Variants in ADCY2 observed in about 807,000 individuals in gnomAD.
ADCY2 encodes the protein adenylate cyclase type 2.
A neutral mutation model predicts 125.2 loss-of-function variants in ADCY2; 31 were observed. That is an observed-to-expected ratio of 0.25 (90% confidence interval 0.19 to 0.33). The LOEUF is 0.33. Ranked by LOEUF, ADCY2 falls within the 10% of genes least tolerant of loss-of-function variation. ADCY2 has a pLI of 1.00. For missense variants in ADCY2, 904 were observed against 1,418.2 expected (o/e 0.64, Z 5.82); for synonymous variants, 512 against 548.4 (o/e 0.93, Z 0.93).
intron 20 of ADCY2, chr5:7,799,716 G>C (rs975957730): frequency 9.2e-5 from 14 of 152,298 alleles, no homozygotes; most frequent in Admixed American, 8.5e-4. Context: ...CTGAACAGCA[G>C]AATAACCCAG....
At chr5:7,789,424 T>C (rs1279734753) in intron 19 of ADCY2, among the ~76,000 whole-genome samples, 1 of 152,242 alleles carries the variant, frequency 6.6e-6, no homozygotes, top group African/African-American at 2.4e-5. Flanking sequence ...CTGATTTCCC[T>C]GTTTCTGAGG....
chr5:7,586,413 C>T (rs140333045), intron 3 of ADCY2, among the ~76,000 whole-genome samples: 2,014 of 152,280 alleles, frequency 0.013, 27 homozygotes, highest in Non-Finnish European at 0.021. Context: ...GCTTCTCCCA[C>T]CCTCATCCAT....
At chr5:7,510,045 A>G (rs953415741) in intron 2 of ADCY2, among the ~76,000 whole-genome samples, 2 of 152,228 alleles carry the variant, frequency 1.3e-5, no homozygotes, top group African/African-American at 2.4e-5. Flanking sequence ...GAATGGGGTA[A>G]TGATGACACA....
Position 7,743,634 on chromosome 5 carries a change from CCACCCTGACTTGCTGCTT to C in ADCY2, c.1872-33_1872-16del. 6.3e-7 allele frequency: 1 copy of C among 1,596,368 alleles called. No homozygotes were observed. The highest frequency in any genetic ancestry group is 8.6e-7 in the Non-Finnish European group (1 of 1,164,650). On this transcript the variant is annotated splice_polypyrimidine_tract_variant and intron_variant, in intron 14 of 24. Coordinates refer to ENST00000338316, the MANE Select transcript of ADCY2 (RefSeq NM_020546.3). The stretch of plus-strand genomic sequence containing the variant: ...CTTTCCAGAATGAGAGAAACGATCT[CCACCCTGACTTGCTGCTT>C]TTTGTTTCCCGGTAGAACGTCCGTC...
chr5:7,446,628 C>T (rs1741266495), intron 2 of ADCY2, among the ~76,000 whole-genome samples: 1 of 151,974 alleles, frequency 6.6e-6, no homozygotes, highest in Non-Finnish European at 1.5e-5. Context: ...TGTTTTGTAA[C>T]CCGAAAGTCT....
At chr5:7,611,921 A>C (rs1396877010) in intron 3 of ADCY2, among the ~76,000 whole-genome samples, 1 of 152,170 alleles carries the variant, frequency 6.6e-6, no homozygotes, top group Non-Finnish European at 1.5e-5. Flanking sequence ...GACTCAAATT[A>C]ATGTGGCAGA....
intron 4 of ADCY2, among the ~76,000 whole-genome samples, chr5:7,675,572 A>G (rs1056934569): frequency 6.6e-6 from 1 of 152,206 alleles, no homozygotes; most frequent in African/African-American, 2.4e-5. Flanking sequence ...AGGCTAACAT[A>G]TGAAGGTTTT....
At chr5:7,522,665 G>T (rs1463181859) in intron 3 of ADCY2, 2 of 151,166 alleles carry the variant, frequency 1.3e-5, no homozygotes, top group African/African-American at 2.5e-5. Flanking sequence ...CATTTTGGGA[G>T]GCCGAGGCAG....
chr5:7,563,923 A>T lies in ADCY2; in HGVS notation c.570+43024A>T, dbSNP rs116147449. ...GCTGGGTACTACAGTTGATTTAAAC[A>T]AAGACTCCTCTTGCTTTTATCATAA... On this transcript the variant is annotated intron_variant, in intron 3 of 24. Coordinates refer to ENST00000338316, the MANE Select transcript of ADCY2 (RefSeq NM_020546.3). Among the ~76,000 whole-genome samples, 1,135 of 152,310 alleles carry T rather than the reference A, an allele frequency of 7.5e-3. 14 individuals carry two copies. Among genetic ancestry groups the T allele is most frequent in the African/African-American group, 0.026 (1,069 of 41,556 alleles).
At chr5:7,806,234 C>A (rs973786545) in intron 22 of ADCY2, among the ~76,000 whole-genome samples, 1 of 152,086 alleles carries the variant, frequency 6.6e-6, no homozygotes, top group Non-Finnish European at 1.5e-5. Context: ...GAACTAATTA[C>A]AATTTTAGTT....
intron 1 of ADCY2, among the ~76,000 whole-genome samples, chr5:7,401,504 T>G (rs1310350353): frequency 6.6e-6 from 1 of 152,230 alleles, no homozygotes; most frequent in Admixed American, 6.5e-5. Flanking sequence ...GCCTCAATCT[T>G]CATTCTGTGT....
At chr5:7,430,549 T>G (rs1304429589) in intron 2 of ADCY2, among the ~76,000 whole-genome samples, 2 of 148,202 alleles carry the variant, frequency 1.3e-5, no homozygotes, top group Middle Eastern at 3.6e-3. Flanking sequence ...ATATATATAG[T>G]ATATTGATAT....
At chr5:7,520,041 G>A (rs1744386331) in intron 2 of ADCY2, among the ~76,000 whole-genome samples, 1 of 152,176 alleles carries the variant, frequency 6.6e-6, no homozygotes, top group Admixed American at 6.5e-5. Flanking sequence ...ACCACATATT[G>A]TTTATTCATC....
chr5:7,645,901 A>G (rs1487138683), intron 4 of ADCY2, among the ~76,000 whole-genome samples: 1 of 152,226 alleles, frequency 6.6e-6, no homozygotes, highest in Non-Finnish European at 1.5e-5. Flanking sequence ...CCAGTTGTCA[A>G]AAAACAATAA....
At chr5:7,462,364 G>A (rs536323334) in intron 2 of ADCY2, among the ~76,000 whole-genome samples, 46 of 152,206 alleles carry the variant, frequency 3.0e-4, no homozygotes, top group African/African-American at 5.8e-4. Flanking sequence ...GTGTTTTTCC[G>A]CCACTGATTG....
Position 7,717,139 on chromosome 5 carries a change from A to G in ADCY2, c.1623-18A>G, listed in dbSNP as rs1420915230. The G allele has an allele frequency of 1.3e-6, 2 of 1,540,176 alleles. No individual in the cohort carries two copies. Among genetic ancestry groups the G allele is most frequent in the African/African-American group, 1.4e-5 (1 of 73,132 alleles). On this transcript the variant is annotated intron_variant, in intron 11 of 24. Coordinates refer to ENST00000338316, the MANE Select transcript of ADCY2 (RefSeq NM_020546.3). ...TACTAATAATATCCTTACCCATAAT[A>G]TTCCATTTTTCATATAGAACCAAGT...
intron 3 of ADCY2, among the ~76,000 whole-genome samples, chr5:7,567,211 C>T (rs925950865): frequency 1.3e-5 from 2 of 152,094 alleles, no homozygotes; most frequent in African/African-American, 4.8e-5. Context: ...AGGTTTACTA[C>T]TGTATTATCT....
chr5:7,821,378 C>T (rs1380720284), intron 24 of ADCY2, among the ~76,000 whole-genome samples: 1 of 152,132 alleles, frequency 6.6e-6, no homozygotes, highest in Non-Finnish European at 1.5e-5. Context: ...GTTATTAGAA[C>T]TATGCTGAAA....
intron 2 of ADCY2, among the ~76,000 whole-genome samples, chr5:7,485,176 G>T (rs987412394): frequency 6.6e-6 from 1 of 152,068 alleles, no homozygotes; most frequent in Non-Finnish European, 1.5e-5. Flanking sequence ...TTCTCCCTCC[G>T]AAACTTGAAT....
Sources: gnomAD v4.1 joint callset for allele counts (sites outside exome capture counted in the v4.1 genomes callset) on GRCh38, gnomAD v4.1.1 for gene constraint, MANE v1.5 for transcripts, NCBI Gene and HGNC (gene_info 2026-07-23, HGNC 2026-07-21) for gene names.